The following CCDC47 variants were observed in gnomAD, a reference collection of about 807,000 sequenced individuals.
CCDC47 encodes the protein PAT complex subunit CCDC47.
CCDC47 carries 41 observed loss-of-function variants against 60.5 expected under a neutral mutation model. The observed-to-expected ratio is 0.68, with a 90% confidence interval of 0.53 to 0.88. The LOEUF is 0.88. Ranked by LOEUF, CCDC47 falls within the 40% of genes least tolerant of loss-of-function variation. The pLI is 0.00. For synonymous variants in CCDC47, 195 were observed against 190.7 expected (o/e 1.02, Z -0.18); for missense variants, 513 against 580.9 (o/e 0.88, Z 1.20).
intron 4 of CCDC47, chr17:63,761,835 C>T (rs921902408): frequency 1.9e-5 from 19 of 976,746 alleles, no homozygotes; most frequent in Middle Eastern, 5.3e-4. Flanking sequence ...TAGCACTGTT[C>T]GTTTTACTTT....
rs2039258703 is a variant in CCDC47, at chr17:63,761,354, AG to A, written c.548-4del. ...TTCTTTGTTAGTTCCATCATCCCCT[AG>A]GGGTAAAACCACTTAATGTGACTCA... On this transcript the variant is annotated splice_region_variant and splice_polypyrimidine_tract_variant and intron_variant, in intron 4 of 12. Coordinates refer to ENST00000225726, the MANE Select transcript of CCDC47 (RefSeq NM_020198.3). The A allele has an allele frequency of 6.2e-7, 1 of 1,613,742 alleles. No homozygotes were observed. The highest frequency in any genetic ancestry group is 1.6e-4 in the Middle Eastern group (1 of 6,062).
chr17:63,762,986 A>G (rs1453521976), intron 4 of CCDC47, among the ~76,000 whole-genome samples: 2 of 152,156 alleles, frequency 1.3e-5, no homozygotes, highest in African/African-American at 2.4e-5. Flanking sequence ...CAGGAGCATG[A>G]TTCTGTACCA....
At position 63,751,984 on chromosome 17, in the gene CCDC47, G is replaced by A. The variant is rs756471118; in HGVS notation, c.1327C>T (p.Arg443Ter). 10 of 1,613,124 alleles carry A rather than the reference G, an allele frequency of 6.2e-6. No individual in the cohort carries two copies. Among genetic ancestry groups the A allele is most frequent in the Middle Eastern group, 1.6e-4 (1 of 6,062 alleles). ...REEKKRAEKE[R>*]IMNEEDPEKQ... is the part of the protein sequence containing the mutation. ...TCAGGATCTTCCTCATTCATGATTC[G>A]CTCCTTCTCTGCTCTTTTTTTCTCC... The change falls in exon 12 of 13, where the codon CGA (arginine) becomes TGA (stop). Residue 443 changes from arginine (R) to a stop codon, truncating the protein, a stop_gained. Transcript: ENST00000225726. LOFTEE classifies it high-confidence loss of function.
intron 6 of CCDC47, among the ~76,000 whole-genome samples, chr17:63,760,163 G>A (rs2039247068): frequency 6.6e-6 from 1 of 151,554 alleles, no homozygotes; most frequent in Non-Finnish European, 1.5e-5. Flanking sequence ...AAGGAAAGAA[G>A]ATACACCAAA....
intron 1 of CCDC47, among the ~76,000 whole-genome samples, chr17:63,769,345 G>A (rs973717098): frequency 6.6e-6 from 1 of 151,546 alleles, no homozygotes; most frequent in East Asian, 2.0e-4. Flanking sequence ...TGTGTGCGAT[G>A]GCTCACACCT....
chr17:63,751,365 CAAAAAAAAAAAAAAAAAAAAAAAAAA>C (rs59161342), intron 12 of CCDC47, among the ~76,000 whole-genome samples: 2 of 29,498 alleles, frequency 6.8e-5, no homozygotes, highest in South Asian at 2.5e-3. Context: ...GACTCCATCT[CAAAAAAAAAAAAAAAAAAAAAAAAAA>C]AAAAAAAAAA....
chr17:63,749,015 G>GAA (rs796080522), intron 12 of CCDC47, among the ~76,000 whole-genome samples: 2 of 73,392 alleles, frequency 2.7e-5, no homozygotes, highest in African/African-American at 4.5e-5. Flanking sequence ...TTGTCTCAAA[G>GAA]AAAAAAAAAA....
At chr17:63,772,098 A>G (rs562682312) in intron 1 of CCDC47, among the ~76,000 whole-genome samples, 4 of 151,736 alleles carry the variant, frequency 2.6e-5, no homozygotes, top group Non-Finnish European at 4.4e-5. Context: ...ATAGATAAAT[A>G]ATAAAATAAA....
At position 63,752,683 on chromosome 17, in the gene CCDC47, T is replaced by A. The variant is rs527507592; in HGVS notation, c.1093+58A>T. The A allele has an allele frequency of 2.4e-5, 36 of 1,517,574 alleles. 1 individual carries two copies. The East Asian group carries it at 8.2e-4, about 34-fold the overall frequency. The allele number at this position is 1,517,574 out of a possible 1,614,324, so 94.0% of individuals were successfully genotyped here. A position where few individuals can be genotyped will look rare whatever the true frequency, so the allele number is the denominator to read the frequency against. On this transcript the variant is annotated intron_variant, in intron 10 of 12. Coordinates refer to ENST00000225726, the MANE Select transcript of CCDC47 (RefSeq NM_020198.3). ...GCTATCATTTAGGAGGAAACAATAC[T>A]CTCCTTAAGGTCATCTCAGAGAAGA...
intron 12 of CCDC47, chr17:63,747,626 G>A (rs749312216): frequency 2.4e-5 from 24 of 985,256 alleles, no homozygotes; most frequent in Middle Eastern, 1.0e-3. Flanking sequence ...TTGGCCACTA[G>A]TGGTCACACC....
At chr17:63,768,410 T>C (rs1273247068) in intron 1 of CCDC47, among the ~76,000 whole-genome samples, 3 of 152,090 alleles carry the variant, frequency 2.0e-5, no homozygotes, top group African/African-American at 7.3e-5. Context: ...AATTGTTACA[T>C]AGGGTGGTGG....
intron 9 of CCDC47, chr17:63,753,561 A>G: frequency 1.3e-6 from 1 of 795,746 alleles, no homozygotes; most frequent in African/African-American, 1.9e-5. Flanking sequence ...CCGAGCATAA[A>G]GGTAAATAAA....
intron 9 of CCDC47, 154 bp from the exon 10 acceptor site, chr17:63,752,953 T>C (rs1304707369): frequency 1.0e-6 from 1 of 983,240 alleles, no homozygotes; most frequent in Admixed American, 6.2e-5. Flanking sequence ...GAAGGAGCTT[T>C]ACAGGTCATC....
intron 12 of CCDC47, among the ~76,000 whole-genome samples, chr17:63,750,516 T>C (rs2039154759): frequency 6.6e-6 from 1 of 152,062 alleles, no homozygotes; most frequent in South Asian, 2.1e-4. Flanking sequence ...ACCCCTTTGC[T>C]CCTAAGAATA....
At chr17:63,764,327 A>T in intron 3 of CCDC47, 137 bp from the exon 4 acceptor site, 1 of 650,508 alleles carries the variant, frequency 1.5e-6, no homozygotes, top group Non-Finnish European at 2.5e-6. Context: ...TTATACTTTG[A>T]AAAATAGGTC....
chr17:63,747,469 A>T, intron 12 of CCDC47: 1 of 977,850 alleles, frequency 1.0e-6, no homozygotes, highest in Non-Finnish European at 1.2e-6. Context: ...TTGAGACATC[A>T]TATTTATCAA....
rs1340738257 is a variant in CCDC47, at chr17:63,770,623, T to C, written c.-20+2789A>G. On this transcript the variant is annotated intron_variant, in intron 1 of 12. Transcript: ENST00000225726. ...TCTCATTTATAGCACTGAAACTTCT[T>C]AAAGAAATCAGTTTAATATCGAAGG... Among the ~76,000 whole-genome samples the C allele has an allele frequency of 2.0e-5, 3 of 152,170 alleles. No homozygotes were observed. In the East Asian group the frequency reaches 5.8e-4, roughly 29 times the overall value.
chr17:63,766,331 G>C (rs62077506), intron 1 of CCDC47, 137 bp from the exon 2 acceptor site: 39,947 of 771,336 alleles, frequency 0.052, 1,363 homozygotes, highest in Non-Finnish European at 0.061. Flanking sequence ...ATTATATAAA[G>C]AACAATGAAG....
Position 63,752,814 on chromosome 17 carries a change from A to G in CCDC47, c.1035-15T>C. 1 of 1,609,306 alleles carries G rather than the reference A, an allele frequency of 6.2e-7. No homozygotes were observed. The highest frequency in any genetic ancestry group is 8.5e-7 in the Non-Finnish European group (1 of 1,178,008). On this transcript the variant is annotated splice_polypyrimidine_tract_variant and intron_variant, in intron 9 of 12. Coordinates refer to ENST00000225726, the MANE Select transcript of CCDC47 (RefSeq NM_020198.3). ...GCTGACCTTCCCTGTCATAAAAGAA[A>G]AGGCAATTAAGAAGGAATACAAGAA...
Sources: gnomAD v4.1 joint callset for allele counts (sites outside exome capture counted in the v4.1 genomes callset) on GRCh38, gnomAD v4.1.1 for gene constraint, MANE v1.5 for transcripts, NCBI Gene and HGNC (gene_info 2026-07-23, HGNC 2026-07-21) for gene names.